Variants in CNTNAP3 observed in about 807,000 individuals in gnomAD.
CNTNAP3 encodes contactin-associated protein-like 3.
Under a neutral mutation model 92.1 loss-of-function variants are expected in CNTNAP3, and 36 were observed. That is an observed-to-expected ratio of 0.39 (90% CI 0.30 to 0.52). The LOEUF (loss-of-function observed/expected upper bound fraction) is 0.52. CNTNAP3 is among the 20% of genes least tolerant of loss of function. CNTNAP3 has a pLI of 0.76. For synonymous variants in CNTNAP3, 232 were observed against 422.3 expected, an observed-to-expected ratio of 0.55 and a Z score of 5.53; for missense variants, 534 against 1,069.6, an observed-to-expected ratio of 0.50 and a Z score of 6.98.
chr9:39,153,046 T>C (rs532891767), intron 9 of CNTNAP3, among the ~76,000 whole-genome samples: 1 of 49,662 alleles, frequency 2.0e-5, no homozygotes, highest in African/African-American at 1.2e-4. Flanking sequence ...CAAAAAGTTA[T>C]GAAACTTTCA....
intron 9 of CNTNAP3, among the ~76,000 whole-genome samples, chr9:39,161,832 C>CTA (rs1282904848): frequency 9.2e-6 from 1 of 108,782 alleles, no homozygotes; most frequent in Non-Finnish European, 1.8e-5. Flanking sequence ...GTGAGACTGA[C>CTA]TCTAAAGTCT....
chr9:39,150,021 A>G, intron 9 of CNTNAP3, 44 bp from the exon 10 acceptor site: 1 of 1,591,740 alleles, frequency 6.3e-7, no homozygotes, highest in Non-Finnish European at 8.6e-7. Context: ...CAACTATGAC[A>G]AAACTATTCC....
rs188745230 is a variant in CNTNAP3 at position 39,086,245 on chromosome 9, T to A, written c.3355-422A>T. ...ATGACAATGTGTAATTTACTTCCTCTGTGGTGACTCAGGTCTATTTTCTTA... is the reference window on the plus strand; with the variant it reads ...ATGACAATGTGTAATTTACTTCCTCAGTGGTGACTCAGGTCTATTTTCTTA... On this transcript the variant is annotated intron_variant, in intron 20 of 23. Coordinates refer to ENST00000297668, the MANE Select transcript of CNTNAP3 (RefSeq NM_033655.5). 3.7e-3 allele frequency: 902 copies of A among 245,926 alleles called. 14 individuals are homozygous for A. The highest frequency in any genetic ancestry group is 0.02 in the African/African-American group (853 of 43,496). The allele number at this position is 245,926 out of a possible 1,614,324, so 15.2% of individuals were successfully genotyped here.
intron 9 of CNTNAP3, among the ~76,000 whole-genome samples, chr9:39,153,823 T>C (rs1299257172): frequency 1.4e-5 from 2 of 139,242 alleles, no homozygotes; most frequent in African/African-American, 2.8e-5. Context: ...CCTCTCAAAG[T>C]GCTGGGATTA....
chr9:39,079,412 GATA>G (rs1825877330), intron 21 of CNTNAP3, among the ~76,000 whole-genome samples: 1 of 140,922 alleles, frequency 7.1e-6, no homozygotes, highest in Non-Finnish European at 1.6e-5. Flanking sequence ...TTTGTCATCA[GATA>G]ATATCCCTCT....
intron 13 of CNTNAP3, among the ~76,000 whole-genome samples, chr9:39,127,904 T>C (rs887265697): frequency 9.2e-5 from 14 of 152,126 alleles, no homozygotes; most frequent in African/African-American, 1.7e-4. Flanking sequence ...AGTGGTGTGA[T>C]CTTGGCTCAC....
At chr9:39,091,908 T>C (rs1269050573) in intron 18 of CNTNAP3, among the ~76,000 whole-genome samples, 1 of 151,968 alleles carries the variant, frequency 6.6e-6, no homozygotes, top group African/African-American at 2.4e-5. Flanking sequence ...ACATTCCTTT[T>C]ATTGTTATAG....
At chr9:39,079,509 CT>C (rs772173934) in intron 21 of CNTNAP3, among the ~76,000 whole-genome samples, 3 of 151,888 alleles carry the variant, frequency 2.0e-5, no homozygotes, top group Non-Finnish European at 4.4e-5. Flanking sequence ...AATTTATCAG[CT>C]GTTGCCTGCT....
rs779016606 is a variant in CNTNAP3, at chr9:39,118,253, G to C, written c.2087C>G (p.Thr696Ser). The C allele has an allele frequency of 2.5e-6, 4 of 1,612,824 alleles. No individual in the cohort carries two copies. The East Asian group carries it at 8.9e-5, about 36-fold the overall frequency. ...TCTTCCAACCCACCAGCTCAGTGGGGTTCCATCTGAAAGACAAGTATAAGA... is the reference window on the plus strand; with the variant it reads ...TCTTCCAACCCACCAGCTCAGTGGGCTTCCATCTGAAAGACAAGTATAAGA... Reference protein sequence around the residue: ...TARRPDSRDGTPLSWWVGRTN... With the variant: ...TARRPDSRDGSPLSWWVGRTN... Residue 696 changes from threonine to serine, a missense_variant, in exon 14 of 24, where the codon ACC becomes AGC. Coordinates refer to ENST00000297668, the MANE Select transcript of CNTNAP3 (RefSeq NM_033655.5).
intron 14 of CNTNAP3, among the ~76,000 whole-genome samples, chr9:39,109,667 C>A (rs941277174): frequency 6.6e-6 from 1 of 151,990 alleles, no homozygotes; most frequent in African/African-American, 2.4e-5. Context: ...ATTTTTCAAC[C>A]TTTTAAAAAT....
intron 13 of CNTNAP3, among the ~76,000 whole-genome samples, chr9:39,126,616 T>C (rs1331956036): frequency 6.6e-6 from 1 of 152,138 alleles, no homozygotes; most frequent in Non-Finnish European, 1.5e-5. Flanking sequence ...TTACTCTAGA[T>C]ATGCCTTTAA....
At chr9:39,089,100 T>C (rs1248098877) in intron 18 of CNTNAP3, among the ~76,000 whole-genome samples, 9 of 152,144 alleles carry the variant, frequency 5.9e-5, no homozygotes, top group Non-Finnish European at 8.8e-5. Flanking sequence ...TTTGCAGGCA[T>C]GTGCAAACAT....
At chr9:39,089,751 C>T (rs565147789) in intron 18 of CNTNAP3, among the ~76,000 whole-genome samples, 42 of 152,250 alleles carry the variant, frequency 2.8e-4, no homozygotes, top group African/African-American at 9.6e-4. Context: ...TAAATTACAG[C>T]TATACCTGTC....
At chr9:39,119,688 T>C (rs754106962) in intron 13 of CNTNAP3, among the ~76,000 whole-genome samples, 1 of 152,182 alleles carries the variant, frequency 6.6e-6, no homozygotes, top group African/African-American at 2.4e-5. Context: ...AAAGATCTTG[T>C]AGACTTGTCT....
At chr9:39,104,202 T>C (rs1165043390) in intron 15 of CNTNAP3, among the ~76,000 whole-genome samples, 5 of 151,884 alleles carry the variant, frequency 3.3e-5, no homozygotes, top group Non-Finnish European at 7.4e-5. Flanking sequence ...CAGGGTCAAG[T>C]TCAGAATCAC....
chr9:39,127,508 T>C (rs1201544177), intron 13 of CNTNAP3, among the ~76,000 whole-genome samples: 4 of 152,036 alleles, frequency 2.6e-5, no homozygotes, highest in Non-Finnish European at 5.9e-5. Context: ...AACAGTAAGA[T>C]TGAAAAACTT....
intron 15 of CNTNAP3, among the ~76,000 whole-genome samples, chr9:39,105,304 G>A (rs1368439750): frequency 6.6e-6 from 1 of 152,132 alleles, no homozygotes; most frequent in Admixed American, 6.5e-5. Context: ...GTGGGTGCCT[G>A]TAGTCCCAGC....
intron 13 of CNTNAP3, among the ~76,000 whole-genome samples, chr9:39,124,760 CTCA>C (rs375031823): frequency 0.035 from 5,285 of 152,116 alleles, 138 homozygotes; most frequent in East Asian, 0.1. Context: ...TGAAAAAATG[CTCA>C]TCATCACTGG....
intron 20 of CNTNAP3, 135 bp from the exon 21 acceptor site, chr9:39,085,958 C>T: frequency 1.2e-6 from 1 of 849,082 alleles, no homozygotes; most frequent in Non-Finnish European, 1.9e-6. Flanking sequence ...AAGAAGCCAC[C>T]TTCAAATAAT....
Sources: gnomAD v4.1 joint callset for allele counts (sites outside exome capture counted in the v4.1 genomes callset) on GRCh38, gnomAD v4.1.1 for gene constraint, MANE v1.5 for transcripts, NCBI Gene and HGNC (gene_info 2026-07-23, HGNC 2026-07-21) for gene names.